DMD: variants seen among roughly 807,000 people sequenced by gnomAD.
The protein encoded by DMD is dystrophin.
A neutral mutation model predicts 330.1 loss-of-function variants in DMD; 63 were observed. That is an observed-to-expected ratio of 0.19 (90% CI 0.16 to 0.24). The LOEUF (loss-of-function observed/expected upper bound fraction) is 0.24, where lower values mean the gene tolerates loss of function less well. Among genes scored for constraint, DMD ranks in the 10% least tolerant of loss-of-function variants. DMD has a pLI of 1.00. For missense variants in DMD, 3,344 were observed against 2,684.1 expected (o/e 1.25, Z -5.43); for synonymous variants, 1,223 against 959.8 (o/e 1.27, Z -5.07).
intron 9 of DMD, among the ~76,000 whole-genome samples, chrX:32,690,254 A>T (rs1045785657): frequency 9.0e-6 from 1 of 111,172 alleles, no homozygotes; most frequent in African/African-American, 3.3e-5. Flanking sequence ...CTAGGAGACA[A>T]ATTCCATTCA....
intron 41 of DMD, among the ~76,000 whole-genome samples, chrX:32,329,306 G>A (rs1268253244): frequency 2.7e-5 from 3 of 112,332 alleles, no homozygotes; most frequent in Admixed American, 9.4e-5. Flanking sequence ...GGTTGTCGAA[G>A]GCAGGCCACC....
chrX:32,211,553 A>AT lies in DMD; in HGVS notation c.6438+5362dup, dbSNP rs1280119280. On this transcript the variant is annotated intron_variant, in intron 44 of 78. Transcript: ENST00000357033. ...ATTAGCTTAACCTTAACAAGACTAT[A>AT]TTTTTTCCCTAAAAACAGCAGTTTA... 8.1e-5 allele frequency among the ~76,000 whole-genome samples: 9 copies of AT among 111,768 alleles called. No homozygotes were observed. In the Admixed American group the frequency reaches 8.6e-4, roughly 11 times the overall value.
chrX:31,769,460 T>C (rs750740725), intron 51 of DMD, among the ~76,000 whole-genome samples: 35 of 112,174 alleles, frequency 3.1e-4, no homozygotes, highest in Non-Finnish European at 5.8e-4. Flanking sequence ...TTATTTCAGG[T>C]CTACACGTTG....
At chrX:32,868,103 C>T (rs780756452) in intron 2 of DMD, among the ~76,000 whole-genome samples, 61 of 111,244 alleles carry the variant, frequency 5.5e-4, no homozygotes, top group African/African-American at 1.9e-3. Context: ...GTGCCATGGC[C>T]CACCTGGGAG....
At chrX:32,064,148 A>C (rs774370636) in intron 44 of DMD, among the ~76,000 whole-genome samples, 2 of 111,649 alleles carry the variant, frequency 1.8e-5, no homozygotes, top group Admixed American at 9.5e-5. Flanking sequence ...TTGACTCTTT[A>C]ATATATAAAG....
At chrX:33,163,726 C>G (rs187707462) in intron 1 of DMD, among the ~76,000 whole-genome samples, 1 of 107,433 alleles carries the variant, frequency 9.3e-6, no homozygotes, top group African/African-American at 3.4e-5. Context: ...AAGGGGACCT[C>G]GTAGCTAAAA....
At chrX:32,636,945 C>T (rs770062419) in intron 11 of DMD, among the ~76,000 whole-genome samples, 3 of 109,716 alleles carry the variant, frequency 2.7e-5, no homozygotes, top group Non-Finnish European at 3.8e-5. Context: ...TTGCAGTGAG[C>T]CGAGATAGCG....
intron 64 of DMD, 31 bp downstream of exon 64, chrX:31,223,016 T>G (rs1437221028): frequency 6.0e-6 from 7 of 1,165,188 alleles, no homozygotes; most frequent in Non-Finnish European, 8.2e-6. Flanking sequence ...AGACATAGTA[T>G]CAAGATCTTC....
intron 1 of DMD, among the ~76,000 whole-genome samples, chrX:33,331,811 G>A (rs761117985): frequency 9.0e-6 from 1 of 111,237 alleles, no homozygotes; most frequent in Non-Finnish European, 1.9e-5. Context: ...TTACTGCAGT[G>A]CACTTTAGGC....
intron 7 of DMD, among the ~76,000 whole-genome samples, chrX:32,777,388 CAT>C (rs1316809372): frequency 9.5e-6 from 1 of 105,181 alleles, no homozygotes; most frequent in Non-Finnish European, 1.9e-5. Flanking sequence ...TTTGTAAAAA[CAT>C]ATTTTAAGCA....
chrX:32,913,293 C>T (rs1601883021), intron 2 of DMD, among the ~76,000 whole-genome samples: 1 of 112,125 alleles, frequency 8.9e-6, no homozygotes. Context: ...TATGTGTCTA[C>T]ATAATACAAA....
In DMD at chrX:32,080,641, G is replaced by A. The variant is rs1031139344; in HGVS notation, c.6439-112127C>T. On this transcript the variant is annotated intron_variant, in intron 44 of 78. Transcript: ENST00000357033. Reference sequence around the variant, plus strand: ...GTTGTCATAAGAAGGAAGAATGAACGGCTTGACTACTGTGATGGACGCTGA... The same window carrying A: ...GTTGTCATAAGAAGGAAGAATGAACAGCTTGACTACTGTGATGGACGCTGA... Among the ~76,000 whole-genome samples, 39 of 111,633 alleles carry A rather than the reference G, an allele frequency of 3.5e-4. 1 individual carries two copies. Among genetic ancestry groups the A allele is most frequent in the Admixed American group, 3.3e-3 (35 of 10,526 alleles).
intron 2 of DMD, among the ~76,000 whole-genome samples, chrX:32,893,267 G>A (rs977653288): frequency 9.0e-6 from 1 of 111,725 alleles, no homozygotes; most frequent in African/African-American, 3.3e-5. Flanking sequence ...TTTACCCCAT[G>A]CTTCCTTAAC....
intron 3 of DMD, among the ~76,000 whole-genome samples, chrX:32,847,470 C>CT (rs1685960729): frequency 8.9e-6 from 1 of 112,146 alleles, no homozygotes; most frequent in Admixed American, 9.5e-5. Flanking sequence ...AATTTCTGTT[C>CT]TATAGTATAC....
intron 62 of DMD, among the ~76,000 whole-genome samples, chrX:31,281,072 G>A: frequency 8.9e-6 from 1 of 111,775 alleles, no homozygotes; most frequent in East Asian, 2.8e-4. Flanking sequence ...GTAATGAATG[G>A]GCAAAACTGG....
intron 6 of DMD, among the ~76,000 whole-genome samples, chrX:32,815,494 CATATATATATAT>C (rs1557051738): frequency 1.4e-5 from 1 of 71,867 alleles, no homozygotes; most frequent in Admixed American, 1.8e-4. Context: ...CACACACAAG[CATATATATATAT>C]ATATATATAT....
At chrX:31,915,509 T>C (rs1395201891) in intron 47 of DMD, among the ~76,000 whole-genome samples, 1 of 111,811 alleles carries the variant, frequency 8.9e-6, no homozygotes, top group Non-Finnish European at 1.9e-5. Context: ...TTTGTAATTA[T>C]ATAATCCATT....
At chrX:32,321,945 C>T (rs917781347) in intron 41 of DMD, among the ~76,000 whole-genome samples, 8 of 110,868 alleles carry the variant, frequency 7.2e-5, no homozygotes, top group African/African-American at 3.3e-5. Flanking sequence ...GCACAGAAAG[C>T]CTGTTACCTA....
chrX:32,491,002 G>A (rs1448163258), intron 20 of DMD, among the ~76,000 whole-genome samples: 1 of 112,303 alleles, frequency 8.9e-6, no homozygotes. Flanking sequence ...CAGGATACAT[G>A]TGGTTTCCAC....
Sources: allele counts gnomAD v4.1 joint callset (sites outside exome capture counted in the v4.1 genomes callset), GRCh38; gene constraint gnomAD v4.1.1; transcripts MANE v1.5; gene names NCBI Gene and HGNC (gene_info 2026-07-23, HGNC 2026-07-21).